PCDHA2: variants seen among roughly 807,000 people sequenced by gnomAD.
PCDHA2 encodes the protein protocadherin alpha-2.
In PCDHA2, 58 loss-of-function variants were observed where a neutral mutation model predicts 66.0. The ratio of observed to expected loss-of-function variants is 0.88; its 90% confidence interval spans 0.71 to 1.09. The LOEUF is 1.09. Among genes scored for constraint, PCDHA2 ranks in the 50% least tolerant of loss-of-function variants. The pLI is 0.00. For missense variants in PCDHA2, 1,267 were observed against 1,242.3 expected (o/e 1.02, Z -0.30); for synonymous variants, 634 against 554.0 (o/e 1.14, Z -2.03).
At chr5:141,003,404 C>T (rs1220823523) in intron 3 of PCDHA2, among the ~76,000 whole-genome samples, 4 of 152,138 alleles carry the variant, frequency 2.6e-5, no homozygotes, top group African/African-American at 4.8e-5. Context: ...CTCCGCCTCC[C>T]GGGTTCGAGT....
intron 1 of PCDHA2, chr5:140,848,731 T>C: frequency 6.3e-7 from 1 of 1,592,772 alleles, no homozygotes; most frequent in Non-Finnish European, 8.6e-7. Context: ...GAGGTAAATC[T>C]GCAGAATGGC....
chr5:140,999,507 T>A (rs2097860188), intron 3 of PCDHA2, among the ~76,000 whole-genome samples: 1 of 152,078 alleles, frequency 6.6e-6, no homozygotes, highest in South Asian at 2.1e-4. Flanking sequence ...GAACCTACAT[T>A]TTAAGCATTT....
intron 1 of PCDHA2, chr5:140,884,436 G>A (rs782218831): frequency 6.2e-7 from 1 of 1,613,888 alleles, no homozygotes; most frequent in East Asian, 2.2e-5. Flanking sequence ...GCGCTGCGGT[G>A]CTCGGCACCG....
intron 1 of PCDHA2, among the ~76,000 whole-genome samples, chr5:140,937,865 T>C (rs1056873213): frequency 2.0e-5 from 3 of 149,988 alleles, no homozygotes; most frequent in Non-Finnish European, 2.9e-5. Context: ...TGAGCCGAGA[T>C]CGCGCCACTG....
At chr5:140,966,232 C>A (rs1353392797) in intron 1 of PCDHA2, 14 of 285,432 alleles carry the variant, frequency 4.9e-5, no homozygotes, top group African/African-American at 2.4e-4. Flanking sequence ...TCCTTAAAGA[C>A]CCGTTAAGCA....
At chr5:140,844,198 T>C (rs1163968581) in intron 1 of PCDHA2, among the ~76,000 whole-genome samples, 4 of 149,848 alleles carry the variant, frequency 2.7e-5, no homozygotes, top group South Asian at 4.2e-4. Context: ...TCTGACTTTT[T>C]AGTGTCTGGT....
At chr5:140,928,594 G>A in intron 1 of PCDHA2, 1 of 1,614,204 alleles carries the variant, frequency 6.2e-7, no homozygotes, top group Non-Finnish European at 8.5e-7. Context: ...TGTCCCAGTG[G>A]AAATTGTGCC....
intron 1 of PCDHA2, among the ~76,000 whole-genome samples, chr5:140,945,406 G>A (rs992531626): frequency 2.0e-4 from 30 of 151,882 alleles, no homozygotes; most frequent in East Asian, 1.2e-3. Flanking sequence ...AATACAATTC[G>A]TATCAAAATT....
At chr5:140,888,487 A>G (rs2061843954) in intron 1 of PCDHA2, among the ~76,000 whole-genome samples, 1 of 152,162 alleles carries the variant, frequency 6.6e-6, no homozygotes, top group Admixed American at 6.5e-5. Context: ...CTGTTGAGAA[A>G]CTCTGCTTTA....
chr5:140,874,500 C>T (rs1241228989), intron 1 of PCDHA2, among the ~76,000 whole-genome samples: 1 of 152,220 alleles, frequency 6.6e-6, no homozygotes, highest in African/African-American at 2.4e-5. Context: ...ATCAAGTTCA[C>T]ATTCTCTTGA....
At position 140,884,460 on chromosome 5, in the gene PCDHA2, C is replaced by T. The variant is rs782410675; in HGVS notation, c.2388+87108C>T. ...TGCTCGGCACCGCCCACCGAGGGCG[C>T]GTGCGCGCCGGGCAAGCCCACTCTA... On this transcript the variant is annotated intron_variant, in intron 1 of 3. Coordinates refer to ENST00000526136, the MANE Select transcript of PCDHA2 (RefSeq NM_018905.3). The T allele has an allele frequency of 2.5e-6, 4 of 1,613,730 alleles. No homozygotes were observed. The highest frequency in any genetic ancestry group is 3.3e-5 in the Admixed American group (2 of 59,998).
At chr5:140,914,079 A>G (rs2076595090) in intron 1 of PCDHA2, among the ~76,000 whole-genome samples, 1 of 152,164 alleles carries the variant, frequency 6.6e-6, no homozygotes, top group South Asian at 2.1e-4. Context: ...ATAACTATCT[A>G]TTAGGTCAAT....
intron 1 of PCDHA2, among the ~76,000 whole-genome samples, chr5:140,907,524 C>T (rs562373233): frequency 2.6e-5 from 4 of 152,314 alleles, no homozygotes; most frequent in Non-Finnish European, 4.4e-5. Flanking sequence ...GAGGACAAAT[C>T]GCTGCCCTTT....
In PCDHA2 at chr5:140,968,743, C is replaced by G. The variant is rs112674082; in HGVS notation, c.2389-10206C>G. Reference sequence around the variant, plus strand: ...AGAGTGGTAGCACTTTCAACCTGACCGTGGTGGTCCGAGATAATGGAGAGC... The same window carrying G: ...AGAGTGGTAGCACTTTCAACCTGACGGTGGTGGTCCGAGATAATGGAGAGC... On this transcript the variant is annotated intron_variant, in intron 1 of 3. Transcript: ENST00000526136. 10 of 1,614,060 alleles carry G rather than the reference C, an allele frequency of 6.2e-6. No homozygotes were observed. The South Asian group carries it at 9.9e-5, about 16-fold the overall frequency.
chr5:140,872,307 C>T (rs1329371918), intron 1 of PCDHA2, among the ~76,000 whole-genome samples: 2 of 152,046 alleles, frequency 1.3e-5, no homozygotes, highest in East Asian at 3.9e-4. Flanking sequence ...TTATATGCTG[C>T]TTTATGGAAA....
chr5:140,801,169 G>C, intron 1 of PCDHA2: 2 of 1,562,790 alleles, frequency 1.3e-6, no homozygotes, highest in South Asian at 1.2e-5. Context: ...TCAATGTAAA[G>C]GCAATCTAAT....
chr5:140,875,629 G>A, intron 1 of PCDHA2: 1 of 1,613,758 alleles, frequency 6.2e-7, no homozygotes, highest in Non-Finnish European at 8.5e-7. Flanking sequence ...TCAGGACCTG[G>A]GGCTGGAGCT....
In PCDHA2 at chr5:140,884,801, A is replaced by AT. The variant is rs2060359948; in HGVS notation, c.2388+87449_2388+87450insT. 5 of 1,250,206 alleles carry AT rather than the reference A, an allele frequency of 4.0e-6. No individual in the cohort carries two copies. In the South Asian group the frequency reaches 8.8e-5, roughly 22 times the overall value. 77.4% of individuals were successfully genotyped at this position (1,250,206 alleles called of 1,614,324 possible). A position where few individuals can be genotyped will look rare whatever the true frequency, so the allele number is the denominator to read the frequency against. On this transcript the variant is annotated intron_variant, in intron 1 of 3. Coordinates refer to ENST00000526136, the MANE Select transcript of PCDHA2 (RefSeq NM_018905.3). ...TTTGCTAGTTGTTATCGAATTTAACAACTCTGCTGTGGACATTATGTGTTG... is the reference window on the plus strand; with the variant it reads ...TTTGCTAGTTGTTATCGAATTTAACATACTCTGCTGTGGACATTATGTGTTG...
intron 1 of PCDHA2, chr5:140,857,969 T>A: frequency 6.3e-7 from 1 of 1,596,804 alleles, no homozygotes; most frequent in Non-Finnish European, 8.6e-7. Context: ...TGAGACTGAC[T>A]CGCCACGCCA....
Sources: allele counts gnomAD v4.1 joint callset (sites outside exome capture counted in the v4.1 genomes callset), GRCh38; gene constraint gnomAD v4.1.1; transcripts MANE v1.5; gene names NCBI Gene and HGNC (gene_info 2026-07-23, HGNC 2026-07-21).